The following SCAPER variants were observed in gnomAD, a reference collection of about 807,000 sequenced individuals.
The protein encoded by SCAPER is S-phase cyclin A associated protein in the ER.
Under a neutral mutation model 182.2 loss-of-function variants are expected in SCAPER, and 98 were observed. The ratio of observed to expected loss-of-function variants is 0.54; its 90% CI spans 0.46 to 0.64. The LOEUF is 0.64. Among genes scored for constraint, SCAPER ranks in the 30% least tolerant of loss-of-function variants. The pLI is 0.00. For missense variants in SCAPER, 1,432 were observed against 1,690.0 expected, an observed-to-expected ratio of 0.85 and a Z score of 2.68; for synonymous variants, 605 against 564.6, an observed-to-expected ratio of 1.07 and a Z score of -1.01.
At chr15:76,546,075 G>A (rs1426212541) in intron 23 of SCAPER, among the ~76,000 whole-genome samples, 1 of 151,978 alleles carries the variant, frequency 6.6e-6, no homozygotes, top group African/African-American at 2.4e-5. Context: ...TTGACAGTAG[G>A]ACTAAACTAG....
At chr15:76,814,497 C>T (rs901899812) in intron 5 of SCAPER, among the ~76,000 whole-genome samples, 2 of 151,836 alleles carry the variant, frequency 1.3e-5, no homozygotes, top group African/African-American at 4.8e-5. Flanking sequence ...AACAAGACCA[C>T]CAAAAAAACA....
At chr15:76,655,352 AAAG>A (rs3063682) in intron 21 of SCAPER, among the ~76,000 whole-genome samples, 7,593 of 152,254 alleles carry the variant, frequency 0.05, 226 homozygotes, top group South Asian at 0.12. Context: ...CATAAAGAAA[AAAG>A]AAGAAGGAAC....
chr15:76,420,091 T>G (rs1273074128), intron 26 of SCAPER, among the ~76,000 whole-genome samples: 1 of 152,118 alleles, frequency 6.6e-6, no homozygotes, highest in Non-Finnish European at 1.5e-5. Context: ...CAACATTCCT[T>G]CATTGAAAAA....
intron 23 of SCAPER, among the ~76,000 whole-genome samples, chr15:76,513,328 G>T (rs1490712161): frequency 6.6e-6 from 1 of 152,112 alleles, no homozygotes; most frequent in Non-Finnish European, 1.5e-5. Context: ...GAGAAATACT[G>T]CTCACTGGAT....
intron 26 of SCAPER, 24 bp downstream of exon 26, chr15:76,434,054 T>A (rs1237503506): frequency 1.3e-6 from 2 of 1,582,162 alleles, no homozygotes; most frequent in Admixed American, 1.8e-5. Context: ...AAGAACAAAG[T>A]TTTAAGAACT....
chr15:76,867,960 T>C (rs987253421), intron 2 of SCAPER, among the ~76,000 whole-genome samples: 4 of 152,122 alleles, frequency 2.6e-5, no homozygotes, highest in Non-Finnish European at 5.9e-5. Flanking sequence ...ATCAGCTATG[T>C]TCTCTCCCTC....
chr15:76,493,790 C>A lies in SCAPER; in HGVS notation c.2954+11069G>T, dbSNP rs116301795. On this transcript the variant is annotated intron_variant, in intron 24 of 31. Transcript: ENST00000563290. ...AGATTAAAGTTGACACAACTAATTT[C>A]TTTAATCTTATTAGTGGTACAACAG... 6.2e-3 allele frequency among the ~76,000 whole-genome samples: 950 copies of A among 152,244 alleles called. 8 individuals are homozygous for A. Among genetic ancestry groups the A allele is most frequent in the African/African-American group, 0.022 (896 of 41,532 alleles).
chr15:76,848,640 T>A (rs1372881635), intron 4 of SCAPER, among the ~76,000 whole-genome samples: 21 of 152,134 alleles, frequency 1.4e-4, no homozygotes, highest in Admixed American at 1.4e-3. Flanking sequence ...GGGCAAAGAT[T>A]TATGTCTACC....
At chr15:76,406,176 T>C (rs983195196) in intron 26 of SCAPER, among the ~76,000 whole-genome samples, 9 of 151,848 alleles carry the variant, frequency 5.9e-5, no homozygotes, top group African/African-American at 2.2e-4. Flanking sequence ...ACTCTTCAAT[T>C]TAGAAAGTGT....
At chr15:76,359,153 A>T (rs1034100192) in intron 29 of SCAPER, among the ~76,000 whole-genome samples, 7 of 152,246 alleles carry the variant, frequency 4.6e-5, no homozygotes, top group Non-Finnish European at 1.0e-4. Flanking sequence ...GCTAGACCTG[A>T]AGCCCCCTCC....
chr15:76,454,605 A>G (rs2048594284), intron 25 of SCAPER, among the ~76,000 whole-genome samples: 1 of 152,168 alleles, frequency 6.6e-6, no homozygotes. Flanking sequence ...TCTCATTTTT[A>G]TAATTCATTG....
intron 23 of SCAPER, among the ~76,000 whole-genome samples, chr15:76,513,808 A>C (rs903767941): frequency 3.3e-5 from 5 of 152,198 alleles, no homozygotes; most frequent in Non-Finnish European, 7.3e-5. Context: ...TCTCCGTTCA[A>C]ACTGCCACCT....
intron 21 of SCAPER, among the ~76,000 whole-genome samples, chr15:76,642,338 G>A (rs892003114): frequency 6.6e-6 from 1 of 152,096 alleles, no homozygotes; most frequent in Admixed American, 6.5e-5. Flanking sequence ...ATACTTCAAG[G>A]CAGCTACATT....
chr15:76,501,363 A>G (rs1283238021), intron 24 of SCAPER, among the ~76,000 whole-genome samples: 1 of 142,956 alleles, frequency 7.0e-6, no homozygotes, highest in African/African-American at 2.6e-5. Flanking sequence ...AAAAAAAAAA[A>G]GCTTCTGGAA....
At chr15:76,460,947 C>A (rs1023641724) in intron 25 of SCAPER, among the ~76,000 whole-genome samples, 1 of 152,134 alleles carries the variant, frequency 6.6e-6, no homozygotes, top group African/African-American at 2.4e-5. Flanking sequence ...AACTTATCTA[C>A]AGACCTTATA....
At chr15:76,467,299 C>T (rs1405807426) in intron 25 of SCAPER, among the ~76,000 whole-genome samples, 1 of 152,138 alleles carries the variant, frequency 6.6e-6, no homozygotes, top group East Asian at 1.9e-4. Flanking sequence ...TTGTTGTTCT[C>T]AGCAGCATCC....
At chr15:76,550,049 G>A (rs1010560826) in intron 23 of SCAPER, among the ~76,000 whole-genome samples, 1 of 152,050 alleles carries the variant, frequency 6.6e-6, no homozygotes, top group South Asian at 2.1e-4. Flanking sequence ...AGATGCAAAC[G>A]CGCTTTTGAC....
chr15:76,362,126 C>T (rs1418573975), intron 29 of SCAPER, among the ~76,000 whole-genome samples: 9 of 152,014 alleles, frequency 5.9e-5, no homozygotes, highest in African/African-American at 2.2e-4. Flanking sequence ...GCACCCACCA[C>T]CATACCCAGC....
At chr15:76,751,242 TAAAA>T (rs1298321815) in intron 15 of SCAPER, among the ~76,000 whole-genome samples, 5 of 151,422 alleles carry the variant, frequency 3.3e-5, no homozygotes, top group Admixed American at 2.6e-4. Flanking sequence ...CACAAATAAA[TAAAA>T]AATTATCCCA....
Sources: gnomAD v4.1 joint callset for allele counts (sites outside exome capture counted in the v4.1 genomes callset) on GRCh38, gnomAD v4.1.1 for gene constraint, MANE v1.5 for transcripts, NCBI Gene and HGNC (gene_info 2026-07-23, HGNC 2026-07-21) for gene names.